Variants in SYNE1 observed in about 807,000 individuals in gnomAD.
SYNE1 encodes spectrin repeat containing nuclear envelope protein 1, also known as nesprin-1.
Under a neutral mutation model 1,111.0 loss-of-function variants are expected in SYNE1, and 616 were observed. The ratio of observed to expected loss-of-function variants is 0.55; its 90% CI spans 0.52 to 0.59. The LOEUF (loss-of-function observed/expected upper bound fraction) is 0.59. Ranked by LOEUF, SYNE1 falls within the 20% of genes least tolerant of loss-of-function variation. The pLI is 0.00. For missense variants in SYNE1, 10,006 were observed against 10,417.0 expected (o/e 0.96, Z 1.72); for synonymous variants, 3,855 against 3,825.8 (o/e 1.01, Z -0.28).
chr6:152,567,105 T>C (rs12111194), intron 3 of SYNE1, among the ~76,000 whole-genome samples: 1 of 152,062 alleles, frequency 6.6e-6, no homozygotes, highest in Non-Finnish European at 1.5e-5. Flanking sequence ...AACTGCTGTT[T>C]CACTCTCTGT....
intron 32 of SYNE1, among the ~76,000 whole-genome samples, chr6:152,440,724 T>G (rs1443028207): frequency 6.6e-6 from 1 of 151,956 alleles, no homozygotes; most frequent in Non-Finnish European, 1.5e-5. Flanking sequence ...TGTGTCACCA[T>G]GGCCAGCTGA....
chr6:152,330,632 G>C lies in SYNE1; in HGVS notation c.14053C>G (p.Gln4685Glu). The change falls in exon 78 of 146, where the codon CAG (glutamine) becomes GAG (glutamate). Residue 4685 changes from glutamine (Q) to glutamate (E), a missense_variant. Physicochemically the swap from Gln to Glu is conservative, Grantham distance 29 (BLOSUM62 2). Coordinates refer to ENST00000367255, the MANE Select transcript of SYNE1 (RefSeq NM_182961.4). ...EYASLIELTT[Q>E]SLSELEAQFL... ...TGGGCTTCAAGTTCACTCAGAGACT[G>C]GGTTGTCAACTCAATCAAGGAAGCA... is the stretch of plus-strand genomic sequence containing the variant. 6.2e-7 allele frequency: 1 copy of C among 1,613,540 alleles called. No individual in the cohort carries two copies. The highest frequency in any genetic ancestry group is 8.5e-7 in the Non-Finnish European group (1 of 1,180,016).
Position 152,122,165 on chromosome 6 carries a change from T to G in SYNE1, c.*271A>C, listed in dbSNP as rs544687967. On this transcript the variant is annotated 3_prime_UTR_variant, in exon 146 of 146. Transcript: ENST00000367255. ...CAGAATTCATGAGTCCGGGGAACTTTGGAGGTCCTTACTCAATCTCCTTAG... is the reference window on the plus strand; with the variant it reads ...CAGAATTCATGAGTCCGGGGAACTTGGGAGGTCCTTACTCAATCTCCTTAG... The G allele has an allele frequency of 6.7e-5, 33 of 493,610 alleles. No individual in the cohort carries two copies. Among genetic ancestry groups the G allele is most frequent in the Non-Finnish European group, 9.9e-5 (27 of 273,276 alleles). 30.6% of individuals were successfully genotyped at this position (493,610 alleles called of 1,614,324 possible).
chr6:152,560,121 G>A (rs901063878), intron 3 of SYNE1, among the ~76,000 whole-genome samples: 1 of 152,152 alleles, frequency 6.6e-6, no homozygotes, highest in Non-Finnish European at 1.5e-5. Context: ...GGGAGGCCGA[G>A]GTGGGCAGAT....
At chr6:152,124,223 T>G (rs939140412) in intron 145 of SYNE1, among the ~76,000 whole-genome samples, 15 of 152,118 alleles carry the variant, frequency 9.9e-5, no homozygotes, top group Non-Finnish European at 2.1e-4. Context: ...GGAGAATCGC[T>G]TGAACCCGGG....
At chr6:152,227,372 T>C (rs1461713840) in intron 115 of SYNE1, among the ~76,000 whole-genome samples, 1 of 152,222 alleles carries the variant, frequency 6.6e-6, no homozygotes, top group Non-Finnish European at 1.5e-5. Flanking sequence ...TTATTTATTT[T>C]TCTCTATTGA....
In SYNE1 at chr6:152,422,339, C is replaced by T. The variant is rs111909156; in HGVS notation, c.5268-2617G>A. 2.6e-3 allele frequency among the ~76,000 whole-genome samples: 393 copies of T among 152,296 alleles called. 4 individuals carry two copies. Among genetic ancestry groups the T allele is most frequent in the African/African-American group, 9.1e-3 (378 of 41,568 alleles). The stretch of plus-strand genomic sequence containing the variant: ...TAGAGGCCCAGCCCATTTGCAATGC[C>T]ACTTTCTGGAATGGGACACAGCTAT... On this transcript the variant is annotated intron_variant, in intron 39 of 145. Coordinates refer to ENST00000367255, the MANE Select transcript of SYNE1 (RefSeq NM_182961.4).
At chr6:152,399,480 A>G in intron 48 of SYNE1, 136 bp downstream of exon 48, 2 of 1,079,240 alleles carry the variant, frequency 1.9e-6, no homozygotes, top group Non-Finnish European at 2.9e-6. Context: ...TATTGCTCAA[A>G]TCGCAAAGCA....
At chr6:152,272,323 A>T (rs1250784807) in intron 98 of SYNE1, among the ~76,000 whole-genome samples, 1 of 152,148 alleles carries the variant, frequency 6.6e-6, no homozygotes, top group Non-Finnish European at 1.5e-5. Flanking sequence ...ATGCCTAGGG[A>T]ATGCAGAGGT....
chr6:152,372,125 A>C (rs2097201313), intron 59 of SYNE1, among the ~76,000 whole-genome samples: 1 of 152,180 alleles, frequency 6.6e-6, no homozygotes, highest in Non-Finnish European at 1.5e-5. Flanking sequence ...TCAATGCTAA[A>C]TATGCTACAC....
intron 48 of SYNE1, 108 bp from the exon 49 acceptor site, chr6:152,398,839 A>G: frequency 3.9e-6 from 3 of 760,564 alleles, no homozygotes; most frequent in Non-Finnish European, 6.6e-6. Flanking sequence ...CCTTTAGCTC[A>G]TCTCCTCTTG....
chr6:152,212,449 A>G (rs1025035047), intron 123 of SYNE1, among the ~76,000 whole-genome samples: 1 of 152,218 alleles, frequency 6.6e-6, no homozygotes, highest in African/African-American at 2.4e-5. Context: ...TGCAACATAT[A>G]TCAGTACCTT....
At chr6:152,181,518 G>A (rs2068083713) in intron 128 of SYNE1, among the ~76,000 whole-genome samples, 1 of 152,096 alleles carries the variant, frequency 6.6e-6, no homozygotes, top group Non-Finnish European at 1.5e-5. Context: ...TTCTGTCCCT[G>A]TGGATTTGCC....
chr6:152,139,943 C>A lies in SYNE1; in HGVS notation c.25458+7G>T. ...TGTCCGCCGTGGGAAAGGCAAGGGG[C>A]AGCTACCTTGAGCTTTTTGATCTGG... On this transcript the variant is annotated splice_region_variant and intron_variant, in intron 140 of 145. Transcript: ENST00000367255. 1 of 1,612,828 alleles carries A rather than the reference C, an allele frequency of 6.2e-7. No individual in the cohort carries two copies. Among genetic ancestry groups the A allele is most frequent in the Non-Finnish European group, 8.5e-7 (1 of 1,180,016 alleles).
intron 135 of SYNE1, among the ~76,000 whole-genome samples, 161 bp from the exon 136 acceptor site, chr6:152,149,829 T>C (rs2060110199): frequency 6.6e-6 from 1 of 152,184 alleles, no homozygotes; most frequent in Non-Finnish European, 1.5e-5. Flanking sequence ...CCTTCTAAAG[T>C]AAAACATATG....
chr6:152,279,510 G>GT (rs1348184634), intron 97 of SYNE1, among the ~76,000 whole-genome samples: 1 of 151,770 alleles, frequency 6.6e-6, no homozygotes, highest in African/African-American at 2.4e-5. Context: ...GAGCTCAGGA[G>GT]TTTGAGACCA....
chr6:152,280,887 C>T (rs962450433), intron 97 of SYNE1, among the ~76,000 whole-genome samples: 9 of 151,948 alleles, frequency 5.9e-5, no homozygotes, highest in African/African-American at 1.5e-4. Flanking sequence ...TTAAAAAATC[C>T]GAATGATAAT....
At chr6:152,253,818 G>GTTTGTTTGTTT (rs2090062778) in intron 104 of SYNE1, among the ~76,000 whole-genome samples, 1 of 74,808 alleles carries the variant, frequency 1.3e-5, no homozygotes, top group African/African-American at 6.2e-5. Flanking sequence ...TAGTGGTTTG[G>GTTTGTTTGTTT]TTTTTTTTTT....
chr6:152,476,520 C>A (rs1246810984), intron 14 of SYNE1, among the ~76,000 whole-genome samples: 1 of 152,100 alleles, frequency 6.6e-6, no homozygotes, highest in African/African-American at 2.4e-5. Context: ...GGTCTCCATT[C>A]CTAACCCAGT....
Sources: allele counts gnomAD v4.1 joint callset (sites outside exome capture counted in the v4.1 genomes callset), GRCh38; gene constraint gnomAD v4.1.1; transcripts MANE v1.5; gene names NCBI Gene and HGNC (gene_info 2026-07-23, HGNC 2026-07-21).